GABBR2: variants seen among roughly 807,000 people sequenced by gnomAD.
GABBR2 encodes the protein G-protein coupled receptor 51.
Under a neutral mutation model 105.6 loss-of-function variants are expected in GABBR2, and 23 were observed. The ratio of observed to expected loss-of-function variants is 0.22; its 90% CI spans 0.16 to 0.31. GABBR2 has a LOEUF of 0.31. GABBR2 is among the 10% of genes least tolerant of loss of function. GABBR2 has a pLI of 1.00. For missense variants in GABBR2, 734 were observed against 1,245.5 expected, an observed-to-expected ratio of 0.59 and a Z score of 6.18; for synonymous variants, 478 against 499.7, an observed-to-expected ratio of 0.96 and a Z score of 0.58.
intron 13 of GABBR2, among the ~76,000 whole-genome samples, chr9:98,344,366 C>T (rs556073217): frequency 6.6e-6 from 1 of 151,948 alleles, no homozygotes; most frequent in African/African-American, 2.4e-5. Context: ...ATTTTAAAAA[C>T]CTTTTTAACA....
chr9:98,673,071 C>T (rs1830425285), intron 1 of GABBR2, among the ~76,000 whole-genome samples: 1 of 152,142 alleles, frequency 6.6e-6, no homozygotes, highest in South Asian at 2.1e-4. Context: ...ACCATAGCAA[C>T]TGAGGTGGGA....
In GABBR2 at chr9:98,368,365, T is replaced by G. The variant is rs115888876; in HGVS notation, c.1770+3099A>C. Among the ~76,000 whole-genome samples the G allele has an allele frequency of 9.5e-3, 1,446 of 151,534 alleles. 20 individuals are homozygous for G. Among genetic ancestry groups the G allele is most frequent in the African/African-American group, 0.033 (1,371 of 41,268 alleles). ...AAAAAAGGTTAAAAAAGTGTGTGTG[T>G]GGGAGGCTTGTTTCTCAGATAAGCC... On this transcript the variant is annotated intron_variant, in intron 12 of 18. Transcript: ENST00000259455.
At chr9:98,451,546 G>T (rs374828175) in intron 7 of GABBR2, among the ~76,000 whole-genome samples, 1 of 141,154 alleles carries the variant, frequency 7.1e-6, no homozygotes. Context: ...CCCCAGCAGT[G>T]GTCTCAAACC....
chr9:98,659,096 T>A (rs1035604679), intron 1 of GABBR2, among the ~76,000 whole-genome samples: 1 of 152,226 alleles, frequency 6.6e-6, no homozygotes, highest in Non-Finnish European at 1.5e-5. Flanking sequence ...CTGGGTTGTT[T>A]TAGATATCAT....
intron 1 of GABBR2, among the ~76,000 whole-genome samples, chr9:98,603,024 G>A (rs1393012501): frequency 1.3e-5 from 2 of 148,634 alleles, no homozygotes; most frequent in African/African-American, 5.1e-5. Flanking sequence ...GGAAAACACA[G>A]GCTCTGGAAA....
intron 6 of GABBR2, among the ~76,000 whole-genome samples, chr9:98,466,477 C>T (rs1185109759): frequency 6.6e-6 from 1 of 152,200 alleles, no homozygotes; most frequent in Non-Finnish European, 1.5e-5. Context: ...CCAATCCTTC[C>T]ATTGCTCCTC....
chr9:98,632,934 T>A (rs1375346218), intron 1 of GABBR2, among the ~76,000 whole-genome samples: 1 of 152,194 alleles, frequency 6.6e-6, no homozygotes, highest in African/African-American at 2.4e-5. Context: ...TGCAGTGAGC[T>A]CTGGAGAGCC....
intron 15 of GABBR2, among the ~76,000 whole-genome samples, chr9:98,304,612 C>T (rs542632601): frequency 1.3e-5 from 2 of 152,288 alleles, no homozygotes; most frequent in South Asian, 2.1e-4. Context: ...GCTCACAGTG[C>T]CTGGGGGCTG....
chr9:98,485,772 G>T (rs1288672802), intron 4 of GABBR2, among the ~76,000 whole-genome samples: 2 of 152,168 alleles, frequency 1.3e-5, no homozygotes, highest in African/African-American at 4.8e-5. Context: ...CCCAGGTGCA[G>T]TCCCCTCCTT....
intron 1 of GABBR2, among the ~76,000 whole-genome samples, chr9:98,683,216 C>T (rs114702043): frequency 0.06 from 9,097 of 152,306 alleles, 532 homozygotes; most frequent in African/African-American, 0.15. Context: ...GTCTCAACCT[C>T]CCAAGTACCT....
intron 1 of GABBR2, among the ~76,000 whole-genome samples, chr9:98,587,897 A>G (rs1371141374): frequency 6.6e-6 from 1 of 152,236 alleles, no homozygotes; most frequent in Non-Finnish European, 1.5e-5. Context: ...ATAAAATTCA[A>G]CAACGATCTA....
Position 98,708,730 on chromosome 9 carries a change from G to A in GABBR2, c.8C>T (p.Ser3Phe). The A allele has an allele frequency of 1.0e-6, 1 of 987,326 alleles. No individual in the cohort carries two copies. The highest frequency in any genetic ancestry group is 1.2e-6 in the Non-Finnish European group (1 of 832,882). The allele number at this position is 987,326 out of a possible 1,614,324, so 61.2% of individuals were successfully genotyped here. The change falls in exon 1 of 19, where the codon TCC (serine) becomes TTC (phenylalanine). Residue 3 changes from serine to phenylalanine, a missense_variant. Physicochemically the swap from Ser to Phe is radical, Grantham distance 155 (BLOSUM62 -2). Coordinates refer to ENST00000259455, the MANE Select transcript of GABBR2 (RefSeq NM_005458.8). ...CCCGGGCTGCCCGGAGCTCCGCGGG[G>A]AAGCCATGCCGCGCCGCGGGCTGCG... MA[S>F]PRSSGQPGPP...
chr9:98,593,875 G>A (rs1829186054), intron 1 of GABBR2, among the ~76,000 whole-genome samples: 1 of 152,160 alleles, frequency 6.6e-6, no homozygotes, highest in Admixed American at 6.5e-5. Context: ...TGCCTCGCTT[G>A]TCCTCCAGCT....
Position 98,319,451 on chromosome 9 carries a change from AT to A in GABBR2, c.1894-8247del, listed in dbSNP as rs35941189. On this transcript the variant is annotated intron_variant, in intron 13 of 18. Transcript: ENST00000259455. The stretch of plus-strand genomic sequence containing the variant: ...AATGTTATGATTACAAGTTTGGGTG[AT>A]TTTTTTTTTTTTTCCAGAATCAGAG... Among the ~76,000 whole-genome samples the A allele has an allele frequency of 4.7e-3, 678 of 145,146 alleles. 5 individuals are homozygous for A. The highest frequency in any genetic ancestry group is 0.012 in the African/African-American group (493 of 39,504).
chr9:98,584,924 C>T (rs1027084865), intron 1 of GABBR2, among the ~76,000 whole-genome samples: 1 of 152,208 alleles, frequency 6.6e-6, no homozygotes, highest in Non-Finnish European at 1.5e-5. Context: ...TGTCCTCGGC[C>T]AGCTCTGCTT....
chr9:98,650,782 T>C (rs1830093126), intron 1 of GABBR2, among the ~76,000 whole-genome samples: 1 of 152,184 alleles, frequency 6.6e-6, no homozygotes, highest in South Asian at 2.1e-4. Context: ...CAATGCATGC[T>C]ACAACATGGA....
intron 7 of GABBR2, among the ~76,000 whole-genome samples, chr9:98,412,488 G>A (rs1273006466): frequency 6.6e-6 from 1 of 152,180 alleles, no homozygotes; most frequent in Non-Finnish European, 1.5e-5. Context: ...GCAGGAAAAT[G>A]TCTTAAGTTA....
chr9:98,572,274 A>G (rs1167769), intron 2 of GABBR2, among the ~76,000 whole-genome samples: 69,096 of 152,086 alleles, frequency 0.45, 15,878 homozygotes, highest in African/African-American at 0.5. Context: ...CAAGAGGCCC[A>G]GCAAAAGGCA....
At chr9:98,540,592 C>T (rs778980483) in intron 3 of GABBR2, among the ~76,000 whole-genome samples, 9 of 152,190 alleles carry the variant, frequency 5.9e-5, no homozygotes, top group Non-Finnish European at 1.3e-4. Context: ...CCACCCTGCC[C>T]GGCCTTTCCC....
Sources: gnomAD v4.1 joint callset for allele counts (sites outside exome capture counted in the v4.1 genomes callset) on GRCh38, gnomAD v4.1.1 for gene constraint, MANE v1.5 for transcripts, NCBI Gene and HGNC (gene_info 2026-07-23, HGNC 2026-07-21) for gene names.